Variants in KIF1A observed in about 807,000 individuals in gnomAD.
KIF1A encodes kinesin-like protein KIF1A.
In KIF1A, 46 loss-of-function variants were observed where a neutral mutation model predicts 227.3. The ratio of observed to expected loss-of-function variants is 0.20; its 90% CI spans 0.16 to 0.26. The LOEUF (loss-of-function observed/expected upper bound fraction) is 0.26, where lower values mean the gene tolerates loss of function less well. Ranked by LOEUF, KIF1A falls within the 10% of genes least tolerant of loss-of-function variation. KIF1A has a pLI of 1.00. For synonymous variants in KIF1A, 1,022 were observed against 1,012.8 expected, an observed-to-expected ratio of 1.01 and a Z score of -0.17; for missense variants, 1,683 against 2,485.9, an observed-to-expected ratio of 0.68 and a Z score of 6.87.
At chr2:240,817,888 G>A (rs1214470906) in intron 1 of KIF1A, among the ~76,000 whole-genome samples, 2 of 152,248 alleles carry the variant, frequency 1.3e-5, no homozygotes, top group Non-Finnish European at 2.9e-5. Flanking sequence ...GAGGACTGCG[G>A]GGCACAGGCT....
At position 240,742,974 on chromosome 2, in the gene KIF1A, G is replaced by A. The variant is rs751004613; in HGVS notation, c.3595C>T (p.Pro1199Ser). 4 of 1,610,192 alleles carry A rather than the reference G, an allele frequency of 2.5e-6. No individual in the cohort carries two copies. Among genetic ancestry groups the A allele is most frequent in the East Asian group, 2.2e-5 (1 of 44,790 alleles). The change falls in exon 34 of 49, where the codon CCC (proline) becomes TCC (serine). Residue 1199 changes from proline to serine, a missense_variant. Pro to Ser is a moderately conservative substitution (Grantham distance 74, BLOSUM62 -1). This residue lies in a region of KIF1A where 759 missense variants were observed against 1,020.2 expected (regional missense o/e 0.74). Coordinates refer to ENST00000498729, the MANE Select transcript of KIF1A (RefSeq NM_001244008.2). The part of the protein sequence containing the change: ...LCKDVLSPLR[P>S]SRRHFPRVMP... ...ACCCGAGGGAAGTGGCGGCGCGAGG[G>A]CCTCAGGGGGCTGTGGAGAAAGGAC...
In KIF1A at chr2:240,790,166, G is replaced by A. The variant is rs930331313; in HGVS notation, c.107-854C>T. Among the ~76,000 whole-genome samples, 8 of 152,156 alleles carry A rather than the reference G, an allele frequency of 5.3e-5. No individual in the cohort carries two copies. Among genetic ancestry groups the A allele is most frequent in the East Asian group, 3.9e-4 (2 of 5,156 alleles). On this transcript the variant is annotated intron_variant, in intron 2 of 48. Coordinates refer to ENST00000498729, the MANE Select transcript of KIF1A (RefSeq NM_001244008.2). This position sits in a 1 kb window ranked among gnomAD's most constrained non-coding sequence, Gnocchi z 5.0. ...TGCAGACTGCATGTCCTCAGTGGCC[G>A]GAAGGACAGGACCCGCTGCCCCCTG...
chr2:240,722,020 C>T lies in KIF1A; in HGVS notation c.4666-136G>A. The T allele has an allele frequency of 7.3e-6, 5 of 683,966 alleles. No individual in the cohort carries two copies. The South Asian group carries it at 8.5e-5, about 12-fold the overall frequency. The allele number at this position is 683,966 out of a possible 1,614,324, so 42.4% of individuals were successfully genotyped here. On this transcript the variant is annotated intron_variant, in intron 43 of 48. Coordinates refer to ENST00000498729, the MANE Select transcript of KIF1A (RefSeq NM_001244008.2). ...CCAGAGCACAGTGGGTCAAGGTGGG[C>T]AGCACCTCCACCCCGCCCAGGTCAT... is the stretch of plus-strand genomic sequence containing the variant.
At chr2:240,795,387 T>G (rs2056245967) in intron 2 of KIF1A, among the ~76,000 whole-genome samples, 3 of 152,246 alleles carry the variant, frequency 2.0e-5, no homozygotes, top group Admixed American at 6.5e-5. Flanking sequence ...CTCCGGCCTC[T>G]GGCTCCTAAG....
At chr2:240,745,371 A>C (rs2048464461) in intron 32 of KIF1A, 56 bp downstream of exon 32, 5 of 1,302,362 alleles carry the variant, frequency 3.8e-6, no homozygotes, top group Non-Finnish European at 5.6e-6. Context: ...ATGCTCAGAG[A>C]GGCCCTGGGA....
chr2:240,748,512 C>T (rs901609178), intron 28 of KIF1A, among the ~76,000 whole-genome samples: 4 of 151,868 alleles, frequency 2.6e-5, no homozygotes, highest in African/African-American at 4.8e-5. Flanking sequence ...AGGATGGCTC[C>T]GCTCAGCCAT....
At chr2:240,732,245 G>T (rs2046774649) in intron 38 of KIF1A, among the ~76,000 whole-genome samples, 1 of 122,002 alleles carries the variant, frequency 8.2e-6, no homozygotes, top group African/African-American at 3.3e-5. Flanking sequence ...GGGGAAGAGG[G>T]GATGAAACAT....
Position 240,726,483 on chromosome 2 carries a change from C to T in KIF1A, c.4122+343G>A, listed in dbSNP as rs1434086395. On this transcript the variant is annotated intron_variant, in intron 39 of 48. Transcript: ENST00000498729. The surrounding 1 kb of genome is among the most constrained non-coding windows in gnomAD (Gnocchi z 5.2). ...AAAATTAGCCGGGCGTGGTGGCAGGCACCTGTAATCCCAGCTACTTGGGAG... is the reference window on the plus strand; with the variant it reads ...AAAATTAGCCGGGCGTGGTGGCAGGTACCTGTAATCCCAGCTACTTGGGAG... Among the ~76,000 whole-genome samples, 2 of 152,138 alleles carry T rather than the reference C, an allele frequency of 1.3e-5. No homozygotes were observed. Among genetic ancestry groups the T allele is most frequent in the Non-Finnish European group, 2.9e-5 (2 of 68,028 alleles).
At chr2:240,782,508 C>A in intron 10 of KIF1A, 82 bp downstream of exon 10, 1 of 1,431,092 alleles carries the variant, frequency 7.0e-7, no homozygotes, top group African/African-American at 1.4e-5. Flanking sequence ...CCCGCCCCGC[C>A]CCTCACCACA....
chr2:240,726,501 C>G lies in KIF1A; in HGVS notation c.4122+325G>C, dbSNP rs770458985. Reference sequence around the variant, plus strand: ...TGGCAGGCACCTGTAATCCCAGCTACTTGGGAGGCTGAGGCAGGAGAATCG... The same window carrying G: ...TGGCAGGCACCTGTAATCCCAGCTAGTTGGGAGGCTGAGGCAGGAGAATCG... On this transcript the variant is annotated intron_variant, in intron 39 of 48. Coordinates refer to ENST00000498729, the MANE Select transcript of KIF1A (RefSeq NM_001244008.2). This position sits in a 1 kb window ranked among gnomAD's most constrained non-coding sequence, Gnocchi z 5.2. 1.3e-3 allele frequency among the ~76,000 whole-genome samples: 200 copies of G among 152,218 alleles called. No individual in the cohort carries two copies. The highest frequency in any genetic ancestry group is 2.0e-3 in the Non-Finnish European group (135 of 68,020).
intron 1 of KIF1A, among the ~76,000 whole-genome samples, chr2:240,808,506 A>G (rs909026621): frequency 9.7e-6 from 1 of 102,882 alleles, no homozygotes; most frequent in Admixed American, 1.1e-4. Context: ...ACAAAAAAAA[A>G]AAATTTTTTT....
chr2:240,747,999 G>A (rs547712196), intron 28 of KIF1A, among the ~76,000 whole-genome samples: 11 of 152,228 alleles, frequency 7.2e-5, no homozygotes, highest in South Asian at 2.1e-4. Context: ...TGCAAGGGCC[G>A]GTGCCTTTTC....
chr2:240,768,538 T>C (rs2125933703), intron 17 of KIF1A, among the ~76,000 whole-genome samples: 1 of 152,232 alleles, frequency 6.6e-6, no homozygotes, highest in East Asian at 1.9e-4. Context: ...GAAAGACTTT[T>C]TCCCAAGTGT....
rs2056564485 is a variant in KIF1A, at chr2:240,797,761, C to A, written c.-9G>T. On this transcript the variant is annotated 5_prime_UTR_variant, in exon 2 of 49. Coordinates refer to ENST00000498729, the MANE Select transcript of KIF1A (RefSeq NM_001244008.2). ...ACCGAAGCCCCGGCCATCTCTGTGG[C>A]CTTCGTGGGTCACTCCTCGCAGTAG... 1 of 1,594,504 alleles carries A rather than the reference C, an allele frequency of 6.3e-7. No homozygotes were observed. Among genetic ancestry groups the A allele is most frequent in the South Asian group, 1.1e-5 (1 of 89,444 alleles).
In KIF1A at chr2:240,714,816, G is replaced by A. The variant is rs2044461313; in HGVS notation, c.*2548C>T. 1 of 152,278 alleles carries A rather than the reference G, an allele frequency of 6.6e-6. No individual in the cohort carries two copies. Among genetic ancestry groups the A allele is most frequent in the Admixed American group, 6.5e-5 (1 of 15,290 alleles). The allele number at this position is 152,278 out of a possible 1,614,324, so 9.4% of individuals were successfully genotyped here. On this transcript the variant is annotated 3_prime_UTR_variant, in exon 49 of 49. Transcript: ENST00000498729. ...TCACTAGAGCAGGCCCGGAAGGAGG[G>A]AGTCGGCGGAGGCTGCAGTGTGGCT...
At chr2:240,768,146 G>T (rs1242841393) in intron 17 of KIF1A, among the ~76,000 whole-genome samples, 1 of 152,226 alleles carries the variant, frequency 6.6e-6, no homozygotes, top group Non-Finnish European at 1.5e-5. Flanking sequence ...GTCCCCAGTG[G>T]TCCCACTTCT....
chr2:240,720,821 C>T, intron 45 of KIF1A, 93 bp downstream of exon 45: 2 of 1,433,476 alleles, frequency 1.4e-6, no homozygotes, highest in Non-Finnish European at 1.9e-6. Flanking sequence ...CATTGGGGCC[C>T]CCTGTTCTGT....
At chr2:240,723,657 G>A in intron 41 of KIF1A, 99 bp from the exon 42 acceptor site, 3 of 1,341,764 alleles carry the variant, frequency 2.2e-6, no homozygotes, top group Non-Finnish European at 2.0e-6. Context: ...TCTCCCCTCT[G>A]GAGTGGAGAT....
At chr2:240,785,355 C>T (rs1301169688) in intron 6 of KIF1A, among the ~76,000 whole-genome samples, 1 of 152,230 alleles carries the variant, frequency 6.6e-6, no homozygotes, top group African/African-American at 2.4e-5. Context: ...GCGAAAGCTT[C>T]CCACTCCTGG....
Sources: allele counts gnomAD v4.1 joint callset (sites outside exome capture counted in the v4.1 genomes callset), GRCh38; gene constraint gnomAD v4.1.1; regional missense constraint gnomAD v4.1.1; non-coding constraint Gnocchi (gnomAD v3.1); transcripts MANE v1.5; gene names NCBI Gene and HGNC (gene_info 2026-07-23, HGNC 2026-07-21).